NEBL: variants seen among roughly 807,000 people sequenced by gnomAD.
The protein encoded by NEBL is nebulette, also known as LIM and SH3 protein 2.
NEBL carries 122 observed loss-of-function variants against 140.2 expected under a neutral mutation model. The observed-to-expected ratio is 0.87, with a 90% confidence interval of 0.75 to 1.01. NEBL has a LOEUF of 1.01. Ranked by LOEUF, NEBL falls within the 50% of genes least tolerant of loss-of-function variation. The pLI is 0.00. For missense variants in NEBL, 1,365 were observed against 1,231.3 expected, an observed-to-expected ratio of 1.11 and a Z score of -1.62; for synonymous variants, 436 against 398.9, an observed-to-expected ratio of 1.09 and a Z score of -1.11.
intron 2 of NEBL, among the ~76,000 whole-genome samples, chr10:21,066,036 T>C (rs905088653): frequency 1.3e-5 from 2 of 152,222 alleles, no homozygotes; most frequent in Non-Finnish European, 2.9e-5. Flanking sequence ...CTTAGACTAA[T>C]AGTTCTGCCA....
At chr10:21,131,197 T>C (rs1366712178) in intron 2 of NEBL, among the ~76,000 whole-genome samples, 1 of 152,118 alleles carries the variant, frequency 6.6e-6, no homozygotes, top group Admixed American at 6.6e-5. Flanking sequence ...CAAGAGGAAA[T>C]AGACAATCTG....
At chr10:21,110,652 C>G in intron 2 of NEBL, 1 of 401,488 alleles carries the variant, frequency 2.5e-6, no homozygotes. Flanking sequence ...CATCCATCTT[C>G]TCTCCTACCT....
chr10:20,877,822 G>A (rs1845653788), intron 5 of NEBL, among the ~76,000 whole-genome samples: 1 of 152,150 alleles, frequency 6.6e-6, no homozygotes, highest in Non-Finnish European at 1.5e-5. Flanking sequence ...CCTCAAGCCT[G>A]TCTATAAAAT....
intron 22 of NEBL, 83 bp from the exon 23 acceptor site, chr10:20,814,126 T>C (rs2130795337): frequency 1.2e-6 from 1 of 845,948 alleles, no homozygotes; most frequent in Non-Finnish European, 2.0e-6. Context: ...GAGTGAAACA[T>C]ATGCAACATA....
chr10:20,808,378 G>T, intron 26 of NEBL, 132 bp downstream of exon 26: 4 of 925,310 alleles, frequency 4.3e-6, no homozygotes, highest in Non-Finnish European at 4.8e-6. Flanking sequence ...TTAACTTTCT[G>T]AACTTAATTT....
intron 2 of NEBL, among the ~76,000 whole-genome samples, chr10:21,164,539 C>T (rs888104058): frequency 2.6e-5 from 4 of 152,148 alleles, no homozygotes; most frequent in Non-Finnish European, 4.4e-5. Context: ...ATCTGCTGAG[C>T]TTCATCTCAA....
chr10:21,161,013 G>T (rs924756727), intron 2 of NEBL, among the ~76,000 whole-genome samples: 2 of 151,928 alleles, frequency 1.3e-5, no homozygotes, highest in Non-Finnish European at 2.9e-5. Flanking sequence ...GTCATCATTT[G>T]TTCCATTGCA....
chr10:21,242,016 A>G (rs1445077217), intron 3 of NEBL, among the ~76,000 whole-genome samples: 1 of 152,144 alleles, frequency 6.6e-6, no homozygotes, highest in Non-Finnish European at 1.5e-5. Context: ...AGCCTGGGCA[A>G]CATAGTGAAA....
At chr10:21,278,281 T>C (rs1246440672) in intron 1 of NEBL, among the ~76,000 whole-genome samples, 1 of 151,836 alleles carries the variant, frequency 6.6e-6, no homozygotes, top group African/African-American at 2.4e-5. Context: ...CTCTACAGAA[T>C]AAAAATAAAA....
chr10:21,088,587 T>C (rs1355137295), intron 2 of NEBL, among the ~76,000 whole-genome samples: 1 of 152,168 alleles, frequency 6.6e-6, no homozygotes, highest in Non-Finnish European at 1.5e-5. Flanking sequence ...TGCAGCCAGG[T>C]ACTTCCTGCG....
At chr10:21,200,957 G>A (rs1014757553) in intron 3 of NEBL, among the ~76,000 whole-genome samples, 4 of 151,968 alleles carry the variant, frequency 2.6e-5, no homozygotes, top group Non-Finnish European at 5.9e-5. Context: ...GGATGTGGTG[G>A]CACAAAACTG....
In NEBL at chr10:20,869,860, G is replaced by C. The variant is rs1437952930; in HGVS notation, c.481-19C>G. 1 of 1,485,542 alleles carries C rather than the reference G, an allele frequency of 6.7e-7. No individual in the cohort carries two copies. Among genetic ancestry groups the C allele is most frequent in the Non-Finnish European group, 9.4e-7 (1 of 1,063,338 alleles). The allele number at this position is 1,485,542 out of a possible 1,614,324, so 92.0% of individuals were successfully genotyped here. On this transcript the variant is annotated intron_variant, in intron 5 of 27. Coordinates refer to ENST00000377122, the MANE Select transcript of NEBL (RefSeq NM_006393.3). ...AAGAAATCTGATCAGAGACAGTTTT[G>C]GTTAAAAAATAAATAAATTAGTAAT...
intron 26 of NEBL, among the ~76,000 whole-genome samples, chr10:20,805,606 A>G (rs1837540691): frequency 6.6e-6 from 1 of 152,152 alleles, no homozygotes; most frequent in African/African-American, 2.4e-5. Context: ...TAATCCTGGC[A>G]TTTTGGGAGG....
chr10:21,173,627 G>T lies in NEBL; in HGVS notation c.69+138C>A. The T allele has an allele frequency of 1.4e-6, 2 of 1,414,856 alleles. No homozygotes were observed. Among genetic ancestry groups the T allele is most frequent in the South Asian group, 1.2e-5 (1 of 83,294 alleles). The allele number at this position is 1,414,856 out of a possible 1,614,324, so 87.6% of individuals were successfully genotyped here. ...CACTCCCGCTGGCGTCTTCGTTCGC[G>T]CGCCCTCCCCCCGTGCCAAGGCACA... On this transcript the variant is annotated intron_variant, in intron 1 of 6. Coordinates refer to the NEBL transcript ENST00000417816. The surrounding 1 kb of genome is among the most constrained non-coding windows in gnomAD (Gnocchi z 5.7).
intron 3 of NEBL, among the ~76,000 whole-genome samples, chr10:21,213,869 A>C (rs536208751): frequency 4.6e-5 from 7 of 152,202 alleles, no homozygotes; most frequent in Admixed American, 6.5e-5. Flanking sequence ...GAGGAAGTCC[A>C]ACAAGCTCGA....
intron 2 of NEBL, among the ~76,000 whole-genome samples, chr10:21,114,800 C>A (rs906402861): frequency 2.0e-5 from 3 of 151,176 alleles, no homozygotes; most frequent in African/African-American, 4.9e-5. Context: ...TAATAGATTT[C>A]TTTTAGCCAG....
chr10:20,948,237 A>T (rs1258924257), intron 4 of NEBL, among the ~76,000 whole-genome samples: 1 of 152,224 alleles, frequency 6.6e-6, no homozygotes, highest in Non-Finnish European at 1.5e-5. Flanking sequence ...GTTAGAAGCA[A>T]TGTAAATAAT....
chr10:20,973,448 C>G (rs1429308144), intron 3 of NEBL, among the ~76,000 whole-genome samples: 1 of 152,042 alleles, frequency 6.6e-6, no homozygotes, highest in Non-Finnish European at 1.5e-5. Context: ...CAGGGTCACA[C>G]TATATTTCCC....
intron 3 of NEBL, among the ~76,000 whole-genome samples, chr10:20,991,725 T>C (rs1308758741): frequency 3.3e-5 from 5 of 152,070 alleles, no homozygotes; most frequent in South Asian, 2.1e-4. Context: ...GTAGTGAACA[T>C]AGTACCCAAT....
Sources: allele counts gnomAD v4.1 joint callset (sites outside exome capture counted in the v4.1 genomes callset), GRCh38; gene constraint gnomAD v4.1.1; non-coding constraint Gnocchi (gnomAD v3.1); transcripts MANE v1.5; gene names NCBI Gene and HGNC (gene_info 2026-07-23, HGNC 2026-07-21).